RBMS1: variants seen among roughly 807,000 people sequenced by gnomAD.
RBMS1 encodes the protein RNA binding motif single stranded interacting protein 1.
Under a neutral mutation model 62.3 loss-of-function variants are expected in RBMS1, and 17 were observed. The ratio of observed to expected loss-of-function variants is 0.27; its 90% CI spans 0.19 to 0.41. The LOEUF (loss-of-function observed/expected upper bound fraction) is 0.41. Ranked by LOEUF, RBMS1 falls within the 10% of genes least tolerant of loss-of-function variation. RBMS1 has a pLI of 1.00. For synonymous variants in RBMS1, 172 were observed against 170.0 expected, an observed-to-expected ratio of 1.01 and a Z score of -0.09; for missense variants, 334 against 504.5, an observed-to-expected ratio of 0.66 and a Z score of 3.24.
intron 1 of RBMS1, among the ~76,000 whole-genome samples, chr2:160,482,659 G>A (rs139284181): frequency 6.6e-6 from 1 of 152,138 alleles, no homozygotes; most frequent in South Asian, 2.1e-4. Context: ...AAAATTCCCA[G>A]TGCATTCACT....
chr2:160,381,643 T>C (rs1449660121), intron 1 of RBMS1, among the ~76,000 whole-genome samples: 1 of 152,220 alleles, frequency 6.6e-6, no homozygotes, highest in African/African-American at 2.4e-5. Context: ...GAAGGAGGCA[T>C]ATGCCATTCA....
At chr2:160,438,439 A>G (rs1683212166) in intron 1 of RBMS1, among the ~76,000 whole-genome samples, 3 of 151,664 alleles carry the variant, frequency 2.0e-5, no homozygotes, top group Admixed American at 1.3e-4. Context: ...TGGGTACTTG[A>G]GATTAGGGAG....
At chr2:160,479,155 C>T (rs1685261553) in intron 1 of RBMS1, among the ~76,000 whole-genome samples, 1 of 152,284 alleles carries the variant, frequency 6.6e-6, no homozygotes, top group Non-Finnish European at 1.5e-5. Flanking sequence ...GGGAAAATTC[C>T]AGGCATGCTG....
intron 1 of RBMS1, among the ~76,000 whole-genome samples, chr2:160,442,676 T>C (rs1047674057): frequency 6.6e-6 from 1 of 152,190 alleles, no homozygotes; most frequent in Non-Finnish European, 1.5e-5. Flanking sequence ...TTAGTGAAAG[T>C]CTTATAATTT....
intron 1 of RBMS1, among the ~76,000 whole-genome samples, chr2:160,410,807 G>T (rs573650184): frequency 1.3e-5 from 2 of 152,190 alleles, no homozygotes; most frequent in African/African-American, 2.4e-5. Context: ...GCAGTGGCGC[G>T]ATCTCAGCTC....
intron 1 of RBMS1, among the ~76,000 whole-genome samples, chr2:160,449,309 C>T (rs1447008261): frequency 3.3e-5 from 5 of 152,232 alleles, no homozygotes; most frequent in African/African-American, 9.6e-5. Flanking sequence ...GCCCGGCCGC[C>T]ACCCCATCTG....
In RBMS1 at chr2:160,281,295, A is replaced by C. The variant is rs772449303; in HGVS notation, c.951+19T>G. 1 of 1,585,170 alleles carries C rather than the reference A, an allele frequency of 6.3e-7. No homozygotes were observed. The highest frequency in any genetic ancestry group is 1.2e-5 in the South Asian group (1 of 86,842). ...TAACTTACTTGTAAAACACAAAGTC[A>C]TTAAGATAAAAAACTTACAGGGTGC... On this transcript the variant is annotated intron_variant, in intron 10 of 13. Coordinates refer to ENST00000348849, the MANE Select transcript of RBMS1 (RefSeq NM_016836.4).
intron 1 of RBMS1, among the ~76,000 whole-genome samples, chr2:160,477,424 G>C (rs1299151336): frequency 6.6e-6 from 1 of 151,998 alleles, no homozygotes; most frequent in Non-Finnish European, 1.5e-5. Flanking sequence ...TCTTCCCTAA[G>C]GGACAGAGTC....
intron 7 of RBMS1, among the ~76,000 whole-genome samples, chr2:160,286,726 AAC>A (rs1460466830): frequency 1.3e-5 from 2 of 152,160 alleles, no homozygotes; most frequent in Non-Finnish European, 1.5e-5. Flanking sequence ...CTAGCTGGTA[AAC>A]ACAGCTGCTT....
chr2:160,378,267 A>G (rs1694103140), intron 1 of RBMS1, among the ~76,000 whole-genome samples: 1 of 152,162 alleles, frequency 6.6e-6, no homozygotes, highest in South Asian at 2.1e-4. Flanking sequence ...GTAGCATACA[A>G]GATCATTATC....
intron 1 of RBMS1, among the ~76,000 whole-genome samples, chr2:160,467,238 T>C (rs1684733796): frequency 6.7e-6 from 1 of 150,218 alleles, no homozygotes; most frequent in Non-Finnish European, 1.5e-5. Flanking sequence ...ACGGACCAAC[T>C]GCTGTGAGGA....
At chr2:160,275,128 C>T (rs1193662345) in intron 13 of RBMS1, among the ~76,000 whole-genome samples, 1 of 152,200 alleles carries the variant, frequency 6.6e-6, no homozygotes, top group Non-Finnish European at 1.5e-5. Context: ...TATTTTATTA[C>T]AGTCTGCATG....
At chr2:160,337,620 T>C (rs1691649439) in intron 2 of RBMS1, among the ~76,000 whole-genome samples, 3 of 152,078 alleles carry the variant, frequency 2.0e-5, no homozygotes, top group Non-Finnish European at 2.9e-5. Flanking sequence ...CACCTCAGAA[T>C]GGTACATTTG....
intron 1 of RBMS1, among the ~76,000 whole-genome samples, chr2:160,418,891 A>G (rs957663871): frequency 3.3e-5 from 5 of 152,224 alleles, no homozygotes; most frequent in Non-Finnish European, 7.4e-5. Flanking sequence ...AGGGCTTGGC[A>G]CATATTAAGT....
intron 2 of RBMS1, among the ~76,000 whole-genome samples, chr2:160,318,675 TATTC>T (rs1392430487): frequency 3.3e-5 from 5 of 152,248 alleles, no homozygotes; most frequent in African/African-American, 1.2e-4. Context: ...TGCATTATTC[TATTC>T]ATTTTGGTTC....
At chr2:160,295,429 A>G (rs1688885480) in intron 6 of RBMS1, among the ~76,000 whole-genome samples, 1 of 152,240 alleles carries the variant, frequency 6.6e-6, no homozygotes, top group African/African-American at 2.4e-5. Flanking sequence ...TACACATTCA[A>G]AATGGCACAA....
At chr2:160,416,538 A>G (rs989612112) in intron 1 of RBMS1, among the ~76,000 whole-genome samples, 4 of 152,184 alleles carry the variant, frequency 2.6e-5, no homozygotes, top group African/African-American at 9.7e-5. Context: ...ATTATGCATT[A>G]TCTCATTAAA....
At chr2:160,348,673 C>G (rs1013184680) in intron 2 of RBMS1, among the ~76,000 whole-genome samples, 2 of 152,122 alleles carry the variant, frequency 1.3e-5, no homozygotes, top group Non-Finnish European at 2.9e-5. Context: ...GACAAGAAAT[C>G]TATCATAAGC....
At chr2:160,481,078 T>TAAA (rs71006610) in intron 1 of RBMS1, among the ~76,000 whole-genome samples, 4 of 112,480 alleles carry the variant, frequency 3.6e-5, no homozygotes, top group African/African-American at 1.0e-4. Context: ...GAGACTGCCT[T>TAAA]AAAAAAAAAA....
Sources: gnomAD v4.1 joint callset for allele counts (sites outside exome capture counted in the v4.1 genomes callset) on GRCh38, gnomAD v4.1.1 for gene constraint, MANE v1.5 for transcripts, NCBI Gene and HGNC (gene_info 2026-07-23, HGNC 2026-07-21) for gene names.